The following EYA1 variants were observed in gnomAD, a reference collection of about 807,000 sequenced individuals.
EYA1 encodes EYA transcriptional coactivator and phosphatase 1.
A neutral mutation model predicts 82.0 loss-of-function variants in EYA1; 16 were observed. That is an observed-to-expected ratio of 0.20 (90% CI 0.13 to 0.30). The LOEUF (loss-of-function observed/expected upper bound fraction) is 0.30. Ranked by LOEUF, EYA1 falls within the 10% of genes least tolerant of loss-of-function variation. The pLI is 1.00. For missense variants in EYA1, 633 were observed against 730.7 expected (o/e 0.87, Z 1.54); for synonymous variants, 261 against 264.4 (o/e 0.99, Z 0.12).
chr8:71,489,769 A>T (rs1364424134), intron 2 of EYA1, among the ~76,000 whole-genome samples: 2 of 152,264 alleles, frequency 1.3e-5, no homozygotes, highest in Non-Finnish European at 2.9e-5. Context: ...GGTTATTTTA[A>T]TTATAATGTC....
intron 16 of EYA1, among the ~76,000 whole-genome samples, chr8:71,211,556 G>C (rs1030952658): frequency 9.9e-5 from 15 of 152,164 alleles, no homozygotes. Flanking sequence ...CAATTGGGGT[G>C]GTGGGGGAAA....
intron 9 of EYA1, among the ~76,000 whole-genome samples, chr8:71,293,360 A>G (rs1043807371): frequency 6.6e-6 from 1 of 152,198 alleles, no homozygotes; most frequent in African/African-American, 2.4e-5. Flanking sequence ...AATACTTAAG[A>G]AAAAGAATGA....
chr8:71,444,375 T>C (rs151178414), intron 2 of EYA1, among the ~76,000 whole-genome samples: 125 of 152,272 alleles, frequency 8.2e-4, no homozygotes, highest in East Asian at 7.9e-3. Context: ...TTCTAGGGCT[T>C]TCAGAAAGCG....
chr8:71,435,063 G>T (rs1258806607), intron 2 of EYA1, among the ~76,000 whole-genome samples: 1 of 152,052 alleles, frequency 6.6e-6, no homozygotes, highest in African/African-American at 2.4e-5. Context: ...CATCTTTTAA[G>T]TAAGTAAGTC....
At chr8:71,204,660 A>G (rs1343822296) in intron 17 of EYA1, among the ~76,000 whole-genome samples, 2 of 152,246 alleles carry the variant, frequency 1.3e-5, no homozygotes, top group African/African-American at 4.8e-5. Context: ...TAACTGAAAA[A>G]GCAGGTATGA....
At chr8:71,241,655 G>A (rs917952637) in intron 12 of EYA1, among the ~76,000 whole-genome samples, 1 of 152,082 alleles carries the variant, frequency 6.6e-6, no homozygotes, top group East Asian at 1.9e-4. Context: ...TTATGCTATA[G>A]ACCTTACAAA....
At chr8:71,346,452 A>ATATATATATATATATG (rs1011248214) in intron 3 of EYA1, among the ~76,000 whole-genome samples, 5 of 134,650 alleles carry the variant, frequency 3.7e-5, no homozygotes, top group African/African-American at 1.2e-4. Context: ...ATATATATAT[A>ATATATATATATATATG]TATCTATATA....
At chr8:71,519,414 T>C (rs182525659) in intron 2 of EYA1, among the ~76,000 whole-genome samples, 1 of 152,278 alleles carries the variant, frequency 6.6e-6, no homozygotes, top group East Asian at 1.9e-4. Flanking sequence ...GCAATTCATG[T>C]TCTCTTTTTT....
At chr8:71,374,457 G>C (rs575265072) in intron 2 of EYA1, among the ~76,000 whole-genome samples, 1 of 152,142 alleles carries the variant, frequency 6.6e-6, no homozygotes, top group Non-Finnish European at 1.5e-5. Flanking sequence ...CTGTTAGGAC[G>C]TCCGTTACCA....
chr8:71,532,960 A>G (rs1042086264), intron 2 of EYA1, among the ~76,000 whole-genome samples: 3 of 152,248 alleles, frequency 2.0e-5, no homozygotes, highest in Admixed American at 2.0e-4. Context: ...AGAATAACCT[A>G]CGGACATGTG....
chr8:71,320,157 G>A (rs999911799), intron 6 of EYA1, among the ~76,000 whole-genome samples: 1 of 152,110 alleles, frequency 6.6e-6, no homozygotes, highest in African/African-American at 2.4e-5. Flanking sequence ...GTTTAGAACT[G>A]GAGGAACCCC....
intron 3 of EYA1, among the ~76,000 whole-genome samples, chr8:71,339,099 T>C (rs1022929362): frequency 2.6e-5 from 4 of 152,174 alleles, no homozygotes; most frequent in African/African-American, 9.7e-5. Flanking sequence ...CATTACCTCC[T>C]TGAAATATCA....
chr8:71,235,638 C>T (rs770997229), intron 12 of EYA1, among the ~76,000 whole-genome samples: 2 of 152,178 alleles, frequency 1.3e-5, no homozygotes, highest in Non-Finnish European at 2.9e-5. Context: ...TTCTCTTCCA[C>T]AGCACTAACT....
At chr8:71,343,087 G>A (rs1045748479) in intron 3 of EYA1, among the ~76,000 whole-genome samples, 1 of 152,160 alleles carries the variant, frequency 6.6e-6, no homozygotes, top group Non-Finnish European at 1.5e-5. Context: ...TGGCACTAGA[G>A]AAGCTTTGGG....
intron 2 of EYA1, among the ~76,000 whole-genome samples, chr8:71,416,048 G>T (rs377292995): frequency 4.6e-5 from 7 of 152,114 alleles, no homozygotes; most frequent in African/African-American, 1.7e-4. Flanking sequence ...TCCCTGTGCC[G>T]CAGGAGGCTG....
At chr8:71,390,147 A>G (rs1427685664) in intron 2 of EYA1, among the ~76,000 whole-genome samples, 2 of 152,138 alleles carry the variant, frequency 1.3e-5, no homozygotes, top group Non-Finnish European at 2.9e-5. Context: ...AACGACAAAA[A>G]TATTTTGGTT....
intron 2 of EYA1, among the ~76,000 whole-genome samples, chr8:71,479,623 GAAAAA>G (rs34377404): frequency 0.033 from 3,339 of 100,236 alleles, 148 homozygotes; most frequent in African/African-American, 0.1. Context: ...CTTTCTTTAT[GAAAAA>G]AAAAAAAAAA....
chr8:71,512,151 G>C (rs1812646106), intron 2 of EYA1, among the ~76,000 whole-genome samples: 1 of 152,140 alleles, frequency 6.6e-6, no homozygotes, highest in Non-Finnish European at 1.5e-5. Flanking sequence ...TGTACATTTT[G>C]TAAAATGCCA....
intron 2 of EYA1, among the ~76,000 whole-genome samples, chr8:71,396,720 C>T (rs562753311): frequency 3.2e-4 from 48 of 152,052 alleles, no homozygotes; most frequent in Non-Finnish European, 5.4e-4. Flanking sequence ...ACTATGTGGT[C>T]AATTTTGGAA....
Sources: gnomAD v4.1 joint callset for allele counts (sites outside exome capture counted in the v4.1 genomes callset) on GRCh38, gnomAD v4.1.1 for gene constraint, MANE v1.5 for transcripts, NCBI Gene and HGNC (gene_info 2026-07-23, HGNC 2026-07-21) for gene names.